Variants in TINAGL1 observed in about 807,000 individuals in gnomAD.
The protein encoded by TINAGL1 is tubulointerstitial nephritis antigen-like.
Under a neutral mutation model 62.0 loss-of-function variants are expected in TINAGL1, and 34 were observed. The observed-to-expected ratio is 0.55, with a 90% CI of 0.42 to 0.73. TINAGL1 has a LOEUF of 0.73. Ranked by LOEUF, TINAGL1 falls within the 30% of genes least tolerant of loss-of-function variation. The pLI, the probability that TINAGL1 is intolerant of heterozygous loss-of-function variation, is 0.00. For missense variants in TINAGL1, 516 were observed against 653.2 expected (o/e 0.79, Z 2.29); for synonymous variants, 221 against 249.7 (o/e 0.88, Z 1.08).
chr1:31,583,321 C>A lies in TINAGL1; in HGVS notation c.467+80C>A. 1.3e-6 allele frequency: 2 copies of A among 1,525,896 alleles called. No individual in the cohort carries two copies. Among genetic ancestry groups the A allele is most frequent in the East Asian group, 2.3e-5 (1 of 44,060 alleles). The allele number at this position is 1,525,896 out of a possible 1,614,324, so 94.5% of individuals were successfully genotyped here. ...TACACGCATGCTGTGCTGTGGGGCA[C>A]GTCCAGCAGGCCACTCCTACACCCA... is the stretch of plus-strand genomic sequence containing the variant. On this transcript the variant is annotated intron_variant, in intron 4 of 11. Coordinates refer to ENST00000271064, the MANE Select transcript of TINAGL1 (RefSeq NM_022164.3). The surrounding 1 kb of genome is among the most constrained non-coding windows in gnomAD (Gnocchi z 4.4).
chr1:31,587,685 A>T lies in TINAGL1; in HGVS notation c.*706A>T, dbSNP rs909887427. On this transcript the variant is annotated 3_prime_UTR_variant, in exon 12 of 12. Coordinates refer to ENST00000271064, the MANE Select transcript of TINAGL1 (RefSeq NM_022164.3). ...TTTAAAATAAAACCAAAGTATTGAT[A>T]ACTACAGTGTCTTGGAACCTCTGGG... 3.3e-5 allele frequency: 5 copies of T among 152,234 alleles called. No individual in the cohort carries two copies. The highest frequency in any genetic ancestry group is 7.3e-5 in the Non-Finnish European group (5 of 68,056). 9.4% of individuals were successfully genotyped at this position (152,234 alleles called of 1,614,324 possible).
chr1:31,579,409 AATTTT>A, intron 3 of TINAGL1, 142 bp downstream of exon 3: 1 of 711,688 alleles, frequency 1.4e-6, no homozygotes. Context: ...GCAATAGAGG[AATTTT>A]AACACTGACC....
chr1:31,587,321 T>TA lies in TINAGL1; in HGVS notation c.*342_*343insA. The TA allele has an allele frequency of 4.9e-6, 1 of 203,860 alleles. No homozygotes were observed. Among genetic ancestry groups the TA allele is most frequent in the Non-Finnish European group, 9.6e-6 (1 of 103,802 alleles). The allele number at this position is 203,860 out of a possible 1,614,324, so 12.6% of individuals were successfully genotyped here. A position where few individuals can be genotyped will look rare whatever the true frequency, so the allele number is the denominator to read the frequency against. ...CCACTACCCCACCCCACTCCTGTATTCTTTTTTTTTTTTTTTTAGACAGGG... is the reference window on the plus strand; with the variant it reads ...CCACTACCCCACCCCACTCCTGTATTACTTTTTTTTTTTTTTTTAGACAGGG... On this transcript the variant is annotated 3_prime_UTR_variant, in exon 12 of 12. Coordinates refer to ENST00000271064, the MANE Select transcript of TINAGL1 (RefSeq NM_022164.3).
At chr1:31,582,690 ATG>A (rs774924194) in intron 3 of TINAGL1, among the ~76,000 whole-genome samples, 3 of 152,068 alleles carry the variant, frequency 2.0e-5, no homozygotes, top group Non-Finnish European at 4.4e-5. Context: ...GCAGGAGAGA[ATG>A]AGAGTGGTTC....
intron 2 of TINAGL1, among the ~76,000 whole-genome samples, chr1:31,578,821 G>C (rs1639101067): frequency 6.8e-6 from 1 of 146,944 alleles, no homozygotes; most frequent in African/African-American, 2.6e-5. Context: ...ATTTCAGTGA[G>C]AGCTGGTGTG....
intron 10 of TINAGL1, chr1:31,586,508 C>G (rs540740224): frequency 3.6e-5 from 23 of 637,432 alleles, no homozygotes; most frequent in South Asian, 1.9e-4. Context: ...GCCCCACCCC[C>G]TCCCATGCTG....
chr1:31,586,864 C>G lies in TINAGL1; in HGVS notation c.1289C>G (p.Ala430Gly), dbSNP rs767755261. The change falls in exon 12 of 12, where the codon GCC becomes GGC. Residue 430 changes from alanine to glycine, a missense_variant. Physicochemically the swap from Ala to Gly is moderately conservative, Grantham distance 60. Transcript: ENST00000271064. ...ACTGCGGCCAACTCCTGGGGCCCAG[C>G]CTGGGGCGAGAGGGGCCACTTCCGC... Reference protein sequence around the residue: ...YWTAANSWGPAWGERGHFRIV... With the variant: ...YWTAANSWGPGWGERGHFRIV... 6.4e-7 allele frequency: 1 copy of G among 1,551,504 alleles called. No homozygotes were observed. Among genetic ancestry groups the G allele is most frequent in the Non-Finnish European group, 8.7e-7 (1 of 1,147,028 alleles).
rs750852459 is a variant in TINAGL1, at chr1:31,583,473, G to A, written c.480G>A (p.Gly160=). The A allele has an allele frequency of 3.7e-6, 6 of 1,613,624 alleles. No homozygotes were observed. The highest frequency in any genetic ancestry group is 1.3e-5 in the African/African-American group (1 of 74,926). ...CCCTCTCCTTCAGCTGGCAGGCTGGGAACCACAGCGCCTTCTGGGGCATGA... is the reference window on the plus strand; with the variant it reads ...CCCTCTCCTTCAGCTGGCAGGCTGGAAACCACAGCGCCTTCTGGGGCATGA... ...INQGNYGWQA[G]NHSAFWGMTL... is the part of the protein sequence containing the mutation. The change falls in exon 5 of 12, where the codon GGG becomes GGA. Residue 160 remains glycine (G), a synonymous_variant. Transcript: ENST00000271064. This position sits in a 1 kb window ranked among gnomAD's most constrained non-coding sequence, Gnocchi z 4.4.
intron 3 of TINAGL1, chr1:31,580,561 G>A (rs778402527): frequency 3.3e-5 from 42 of 1,289,136 alleles, no homozygotes; most frequent in South Asian, 1.1e-4. Flanking sequence ...AAGCCTTCCC[G>A]GCCCTGCAGA....
At chr1:31,580,484 G>T (rs984330082) in intron 3 of TINAGL1, 5 of 1,289,312 alleles carry the variant, frequency 3.9e-6, no homozygotes, top group Admixed American at 2.3e-5. Context: ...GTCTAGTCGG[G>T]TGCTGCTGCC....
At position 31,583,118 on chromosome 1, in the gene TINAGL1, T is replaced by G. The variant is rs1350466694; in HGVS notation, c.375-31T>G. On this transcript the variant is annotated intron_variant, in intron 3 of 11. Transcript: ENST00000271064. This position sits in a 1 kb window ranked among gnomAD's most constrained non-coding sequence, Gnocchi z 4.4. ...CTTCAAAGTATCCCCAGTCCCCCAC[T>G]TACCCTTTCCTTCTCTCCTTTTCTC... The G allele has an allele frequency of 5.6e-6, 9 of 1,608,168 alleles. No individual in the cohort carries two copies. Among genetic ancestry groups the G allele is most frequent in the Middle Eastern group, 1.7e-4 (1 of 6,044 alleles).
Position 31,585,058 on chromosome 1 carries a change from G to A in TINAGL1, c.857+22G>A, listed in dbSNP as rs753536008. 3.8e-6 allele frequency: 6 copies of A among 1,582,282 alleles called. No individual in the cohort carries two copies. The South Asian group carries it at 4.5e-5, about 12-fold the overall frequency. ...GAGGGTATGCAGCAACAGGGGATGTGGGCAGAGAAGAGGGCAAGGAGCTCC... is the reference window on the plus strand; with the variant it reads ...GAGGGTATGCAGCAACAGGGGATGTAGGCAGAGAAGAGGGCAAGGAGCTCC... On this transcript the variant is annotated intron_variant, in intron 7 of 11. Transcript: ENST00000271064. This position sits in a 1 kb window ranked among gnomAD's most constrained non-coding sequence, Gnocchi z 4.3.
Position 31,586,707 on chromosome 1 carries a change from C to A in TINAGL1, c.1218-3C>A. 1 of 1,558,274 alleles carries A rather than the reference C, an allele frequency of 6.4e-7. No homozygotes were observed. Among genetic ancestry groups the A allele is most frequent in the Non-Finnish European group, 8.7e-7 (1 of 1,150,608 alleles). ...CCTTCCCCCTCCTCTGCTCTGCCCA[C>A]AGATGGGGAGAGGAGACGCTGCCAG... is the stretch of plus-strand genomic sequence containing the variant. On this transcript the variant is annotated splice_region_variant and splice_polypyrimidine_tract_variant and intron_variant, in intron 10 of 11. Transcript: ENST00000271064.
At position 31,584,884 on chromosome 1, in the gene TINAGL1, A is replaced by G. The variant is rs746377934; in HGVS notation, c.707-2A>G. 4 of 1,611,066 alleles carry G rather than the reference A, an allele frequency of 2.5e-6. No individual in the cohort carries two copies. ...GACAGCCCCTCTATCTCACCCCACC[A>G]GCTGTGGCATCCGATCGTGTCTCAA... On this transcript the variant is annotated splice_acceptor_variant, in intron 6 of 11. Coordinates refer to ENST00000271064, the MANE Select transcript of TINAGL1 (RefSeq NM_022164.3). LOFTEE classifies it high-confidence loss of function. This position sits in a 1 kb window ranked among gnomAD's most constrained non-coding sequence, Gnocchi z 4.0.
At chr1:31,582,848 G>A (rs906379668) in intron 3 of TINAGL1, among the ~76,000 whole-genome samples, 1 of 151,238 alleles carries the variant, frequency 6.6e-6, no homozygotes, top group Non-Finnish European at 1.5e-5. Context: ...ACTGTAGGGG[G>A]AATAAGTGAG....
intron 10 of TINAGL1, 197 bp from the exon 11 acceptor site, chr1:31,586,513 A>C: frequency 1.6e-6 from 1 of 644,554 alleles, no homozygotes; most frequent in East Asian, 2.8e-5. Flanking sequence ...ACCCCCTCCC[A>C]TGCTGGGCCT....
chr1:31,577,353 G>C lies in TINAGL1; in HGVS notation c.205G>C (p.Ala69Pro). 1 of 1,613,990 alleles carries C rather than the reference G, an allele frequency of 6.2e-7. No homozygotes were observed. Among genetic ancestry groups the C allele is most frequent in the Non-Finnish European group, 8.5e-7 (1 of 1,180,022 alleles). Residue 69 changes from alanine to proline, a missense_variant, in exon 2 of 12, where the codon GCC becomes CCC. Physicochemically the swap from Ala to Pro is conservative, Grantham distance 27. Coordinates refer to ENST00000271064, the MANE Select transcript of TINAGL1 (RefSeq NM_022164.3). The surrounding 1 kb of genome is among the most constrained non-coding windows in gnomAD (Gnocchi z 5.4). ...ADDCALPYLG[A>P]ICYCDLFCNR... is the part of the protein sequence containing the mutation. ...CGACTGTGCCCTGCCCTACCTGGGC[G>C]CCATCTGTTACTGTGACCTCTTCTG...
Position 31,577,380 on chromosome 1 carries a change from A to G in TINAGL1, c.232A>G (p.Asn78Asp). 1 of 1,614,034 alleles carries G rather than the reference A, an allele frequency of 6.2e-7. No homozygotes were observed. The highest frequency in any genetic ancestry group is 8.5e-7 in the Non-Finnish European group (1 of 1,180,020). The change falls in exon 2 of 12, where the codon AAC becomes GAC. Residue 78 changes from asparagine (N) to aspartate (D), a missense_variant. Coordinates refer to ENST00000271064, the MANE Select transcript of TINAGL1 (RefSeq NM_022164.3). The surrounding 1 kb of genome is among the most constrained non-coding windows in gnomAD (Gnocchi z 5.4). ...CATCTGTTACTGTGACCTCTTCTGCAACCGCACGGTCTCCGACTGCTGCCC... is the reference window on the plus strand; with the variant it reads ...CATCTGTTACTGTGACCTCTTCTGCGACCGCACGGTCTCCGACTGCTGCCC... ...GAICYCDLFC[N>D]RTVSDCCPDF...
chr1:31,583,999 C>G lies in TINAGL1; in HGVS notation c.582+424C>G, dbSNP rs1639318283. The G allele has an allele frequency of 5.7e-6, 1 of 176,020 alleles. No homozygotes were observed. The highest frequency in any genetic ancestry group is 1.5e-4 in the South Asian group (1 of 6,828). The allele number at this position is 176,020 out of a possible 1,614,324, so 10.9% of individuals were successfully genotyped here. A position where few individuals can be genotyped will look rare whatever the true frequency, so the allele number is the denominator to read the frequency against. ...ACCCCAAGGGAGGAGAGGGCTTCTC[C>G]CTTCCCACCAGTGGGACCCTCTGGG... On this transcript the variant is annotated intron_variant, in intron 5 of 11. Coordinates refer to ENST00000271064, the MANE Select transcript of TINAGL1 (RefSeq NM_022164.3). This position sits in a 1 kb window ranked among gnomAD's most constrained non-coding sequence, Gnocchi z 4.4.
Sources: gnomAD v4.1 joint callset for allele counts (sites outside exome capture counted in the v4.1 genomes callset) on GRCh38, gnomAD v4.1.1 for gene constraint, Gnocchi (gnomAD v3.1) non-coding constraint, MANE v1.5 for transcripts, NCBI Gene and HGNC (gene_info 2026-07-23, HGNC 2026-07-21) for gene names.